The following CYRIB variants were observed in gnomAD, a reference collection of about 807,000 sequenced individuals.
The protein encoded by CYRIB is CYFIP-related Rac1 interactor B.
In CYRIB, 8 loss-of-function variants were observed where a neutral mutation model predicts 44.2. The ratio of observed to expected loss-of-function variants is 0.18; its 90% CI spans 0.11 to 0.33. The LOEUF (loss-of-function observed/expected upper bound fraction) is 0.33. Ranked by LOEUF, CYRIB falls within the 10% of genes least tolerant of loss-of-function variation. The pLI, the probability that CYRIB is intolerant of heterozygous loss-of-function variation, is 1.00. For missense variants in CYRIB, 185 were observed against 382.8 expected (o/e 0.48, Z 4.31); for synonymous variants, 131 against 127.2 (o/e 1.03, Z -0.20).
intron 1 of CYRIB, among the ~76,000 whole-genome samples, chr8:130,012,888 A>C (rs1305563147): frequency 6.6e-6 from 1 of 152,226 alleles, no homozygotes; most frequent in Non-Finnish European, 1.5e-5. Flanking sequence ...CCAAAGTTCT[A>C]CTGAAGCAAA....
At chr8:129,978,100 T>C (rs1482143760) in intron 1 of CYRIB, among the ~76,000 whole-genome samples, 1 of 152,010 alleles carries the variant, frequency 6.6e-6, no homozygotes, top group Non-Finnish European at 1.5e-5. Flanking sequence ...TTTTATTTCA[T>C]GTAGAGACGA....
At chr8:129,982,772 G>A (rs2096285879) in intron 1 of CYRIB, among the ~76,000 whole-genome samples, 1 of 152,168 alleles carries the variant, frequency 6.6e-6, no homozygotes, top group Admixed American at 6.5e-5. Flanking sequence ...ATCATTTCCA[G>A]CAGATCTCTA....
intron 2 of CYRIB, among the ~76,000 whole-genome samples, chr8:129,952,280 C>T (rs780728726): frequency 2.6e-5 from 4 of 152,114 alleles, no homozygotes; most frequent in African/African-American, 7.2e-5. Context: ...AGGCTGGTCT[C>T]GAACTCCCGA....
intron 4 of CYRIB, among the ~76,000 whole-genome samples, chr8:129,863,522 CT>C (rs1218894457): frequency 6.9e-6 from 1 of 145,948 alleles, no homozygotes; most frequent in South Asian, 2.2e-4. Context: ...GAGACTCTGT[CT>C]TAAAAAAAAA....
chr8:129,869,069 A>G (rs913587456), intron 4 of CYRIB, among the ~76,000 whole-genome samples: 68 of 150,384 alleles, frequency 4.5e-4, no homozygotes, highest in African/African-American at 1.2e-3. Context: ...AAAAAAAAAA[A>G]AAGAAGAAAA....
intron 8 of CYRIB, 35 bp from the exon 11 acceptor site, chr8:129,850,949 G>A (rs752110842): frequency 5.3e-6 from 7 of 1,328,572 alleles, no homozygotes; most frequent in Non-Finnish European, 6.4e-6. Flanking sequence ...AAAAGTAAAA[G>A]TAACAAACGT....
At chr8:130,001,775 C>A (rs961066200) in intron 1 of CYRIB, among the ~76,000 whole-genome samples, 2 of 151,964 alleles carry the variant, frequency 1.3e-5, no homozygotes, top group African/African-American at 4.8e-5. Flanking sequence ...CCACTGCACC[C>A]GGCCCTGAAA....
chr8:129,980,231 A>C (rs2096161167), intron 1 of CYRIB, among the ~76,000 whole-genome samples: 1 of 148,996 alleles, frequency 6.7e-6, no homozygotes, highest in Admixed American at 6.7e-5. Flanking sequence ...CCATCTCAAA[A>C]AAAAAAAAAA....
intron 2 of CYRIB, among the ~76,000 whole-genome samples, chr8:129,950,016 C>T (rs1423408639): frequency 6.6e-6 from 1 of 152,126 alleles, no homozygotes; most frequent in Non-Finnish European, 1.5e-5. Flanking sequence ...TAAAAAGCAA[C>T]AATTACATAG....
intron 3 of CYRIB, among the ~76,000 whole-genome samples, chr8:129,871,798 T>A (rs2057332027): frequency 6.6e-6 from 1 of 152,202 alleles, no homozygotes; most frequent in African/African-American, 2.4e-5. Context: ...AATTTTTAAT[T>A]GTGATAGTTT....
At chr8:129,876,785 T>C (rs1038428541) in intron 3 of CYRIB, among the ~76,000 whole-genome samples, 1 of 152,134 alleles carries the variant, frequency 6.6e-6, no homozygotes, top group Non-Finnish European at 1.5e-5. Context: ...CAGAGACATA[T>C]TGGGATAGAC....
At position 129,849,383 on chromosome 8, in the gene CYRIB, A is replaced by C. The variant is rs144237156; in HGVS notation, c.714-14T>G. 4.4e-4 allele frequency: 702 copies of C among 1,597,640 alleles called. 2 individuals carry two copies. Among genetic ancestry groups the C allele is most frequent in the African/African-American group, 2.7e-3 (197 of 73,984 alleles). ...CTTCTGTATTCCCTGAAGAGTAGAT[A>C]AGATATGCATGGAAGAAGTGCATTA... On this transcript the variant is annotated splice_polypyrimidine_tract_variant and intron_variant, in intron 9 of 11. Coordinates refer to ENST00000519824, the Ensembl canonical transcript of CYRIB.
At chr8:129,963,130 G>A (rs965222905) in intron 2 of CYRIB, among the ~76,000 whole-genome samples, 2 of 152,120 alleles carry the variant, frequency 1.3e-5, no homozygotes, top group African/African-American at 4.8e-5. Flanking sequence ...TGCTAGAACC[G>A]CTGACAACCA....
At chr8:129,930,002 G>C (rs2090258218) in intron 1 of CYRIB, among the ~76,000 whole-genome samples, 1 of 152,086 alleles carries the variant, frequency 6.6e-6, no homozygotes, top group African/African-American at 2.4e-5. Flanking sequence ...CACAAGGTCA[G>C]GAGTTCGAGA....
chr8:130,007,867 A>G (rs961243421), intron 1 of CYRIB, among the ~76,000 whole-genome samples: 18 of 151,966 alleles, frequency 1.2e-4, no homozygotes, highest in African/African-American at 4.4e-4. Context: ...AAGGAGACCA[A>G]AAAAATCACA....
At chr8:129,875,014 G>A (rs2058626533) in intron 3 of CYRIB, among the ~76,000 whole-genome samples, 1 of 152,084 alleles carries the variant, frequency 6.6e-6, no homozygotes, top group African/African-American at 2.4e-5. Context: ...TGATTTCCCT[G>A]GAGGTAAGTG....
chr8:129,985,110 C>G (rs994094984), intron 1 of CYRIB, among the ~76,000 whole-genome samples: 2 of 152,178 alleles, frequency 1.3e-5, no homozygotes, highest in African/African-American at 4.8e-5. Flanking sequence ...CCTGACACAC[C>G]AGGGTTGCCA....
chr8:129,889,249 G>GA (rs1433455939), intron 2 of CYRIB, among the ~76,000 whole-genome samples: 1 of 151,830 alleles, frequency 6.6e-6, no homozygotes, highest in South Asian at 2.1e-4. Context: ...CTATTCCTCA[G>GA]AAAAAAAATA....
At chr8:129,940,609 C>A (rs1029632854), upstream of CYRIB, among the ~76,000 whole-genome samples, 1 of 152,120 alleles carries the variant, frequency 6.6e-6, no homozygotes, top group African/African-American at 2.4e-5. Flanking sequence ...GATCCCTTTC[C>A]CTTTACAGAC....
Sources: allele counts gnomAD v4.1 joint callset (sites outside exome capture counted in the v4.1 genomes callset), GRCh38; gene constraint gnomAD v4.1.1; transcripts MANE v1.5; gene names NCBI Gene and HGNC (gene_info 2026-07-23, HGNC 2026-07-21).